The following AGO3 variants were observed in gnomAD, a reference collection of about 807,000 sequenced individuals.
AGO3 encodes protein argonaute-3.
Under a neutral mutation model 105.5 loss-of-function variants are expected in AGO3, and 16 were observed. The ratio of observed to expected loss-of-function variants is 0.15; its 90% confidence interval spans 0.10 to 0.23. The LOEUF is 0.23. Among genes scored for constraint, AGO3 ranks in the 10% least tolerant of loss-of-function variants. The probability of loss-of-function intolerance (pLI) is 1.00; values close to 1 mark genes in which losing one functional copy is unlikely to be tolerated. For missense variants in AGO3, 534 were observed against 1,088.0 expected (o/e 0.49, Z 7.16); for synonymous variants, 340 against 367.3 (o/e 0.93, Z 0.85).
intron 1 of AGO3, among the ~76,000 whole-genome samples, chr1:35,943,528 C>T (rs990734418): frequency 1.3e-5 from 2 of 150,498 alleles, no homozygotes; most frequent in African/African-American, 4.9e-5. Context: ...CTTGAACTCC[C>T]AACCTCAGGT....
chr1:36,056,811 G>A lies in AGO3; in HGVS notation c.*1066G>A, dbSNP rs1262888668. On this transcript the variant is annotated 3_prime_UTR_variant, in exon 19 of 19. Coordinates refer to ENST00000373191, the MANE Select transcript of AGO3 (RefSeq NM_024852.4). ...GGCTGGAGTGCAGTGGCGAGATCTC[G>A]GCTCACTGCAACTTCCGCCTCTCGG... 1 of 151,092 alleles carries A rather than the reference G, an allele frequency of 6.6e-6. No individual in the cohort carries two copies. Among genetic ancestry groups the A allele is most frequent in the Non-Finnish European group, 1.5e-5 (1 of 67,892 alleles). 9.4% of individuals were successfully genotyped at this position (151,092 alleles called of 1,614,324 possible).
intron 5 of AGO3, among the ~76,000 whole-genome samples, chr1:35,995,390 T>C (rs1298461680): frequency 6.6e-6 from 1 of 151,804 alleles, no homozygotes; most frequent in Non-Finnish European, 1.5e-5. Context: ...ACTACTGAAA[T>C]CAAAACAGTG....
intron 12 of AGO3, among the ~76,000 whole-genome samples, chr1:36,028,401 C>CG (rs1259538605): frequency 8.8e-6 from 1 of 113,066 alleles, no homozygotes; most frequent in African/African-American, 3.4e-5. Flanking sequence ...TCCCCCCCCC[C>CG]CACCCCACAA....
At position 35,982,539 on chromosome 1, in the gene AGO3, G is replaced by A. The variant is rs190243071; in HGVS notation, c.658+9028G>A. 1,724 of 628,768 alleles carry A rather than the reference G, an allele frequency of 2.7e-3. 19 individuals carry two copies. In the African/African-American group the frequency reaches 0.028, roughly 10 times the overall value. 38.9% of individuals were successfully genotyped at this position (628,768 alleles called of 1,614,324 possible). On this transcript the variant is annotated intron_variant, in intron 5 of 18. Coordinates refer to ENST00000373191, the MANE Select transcript of AGO3 (RefSeq NM_024852.4). ...AGATAAAAACAAATCAATGAAATAG[G>A]AAAACTTCTCTCTATCCTTTAGATA...
At chr1:35,938,317 T>A (rs1646189598) in intron 1 of AGO3, among the ~76,000 whole-genome samples, 1 of 152,120 alleles carries the variant, frequency 6.6e-6, no homozygotes, top group Non-Finnish European at 1.5e-5. Flanking sequence ...TATAAAATAA[T>A]AACTACATGT....
At chr1:36,015,019 G>A (rs1345798880) in intron 11 of AGO3, among the ~76,000 whole-genome samples, 1 of 152,026 alleles carries the variant, frequency 6.6e-6, no homozygotes, top group Non-Finnish European at 1.5e-5. Flanking sequence ...CACCAGCTGG[G>A]TGTCCTCCAA....
Position 36,055,985 on chromosome 1 carries a change from G to C in AGO3, c.*240G>C. The stretch of plus-strand genomic sequence containing the variant: ...CTTTTTGTGCGGTCTCCTATAGGAA[G>C]TATCGCAATTGTTTTGTTTTCATTT... On this transcript the variant is annotated 3_prime_UTR_variant, in exon 19 of 19. Transcript: ENST00000373191. The surrounding 1 kb of genome is among the most constrained non-coding windows in gnomAD (Gnocchi z 4.4). 1 of 354,052 alleles carries C rather than the reference G, an allele frequency of 2.8e-6. No individual in the cohort carries two copies. Among genetic ancestry groups the C allele is most frequent in the Non-Finnish European group, 5.1e-6 (1 of 195,586 alleles). 21.9% of individuals were successfully genotyped at this position (354,052 alleles called of 1,614,324 possible). A position where few individuals can be genotyped will look rare whatever the true frequency, so the allele number is the denominator to read the frequency against.
chr1:35,964,540 G>C (rs1022587548), intron 2 of AGO3, among the ~76,000 whole-genome samples: 2 of 152,142 alleles, frequency 1.3e-5, no homozygotes, highest in African/African-American at 2.4e-5. Flanking sequence ...TGGGCATTTA[G>C]GTTGATTCCA....
At chr1:35,983,339 A>G (rs973756994) in intron 5 of AGO3, 6 of 151,554 alleles carry the variant, frequency 4.0e-5, no homozygotes, top group African/African-American at 1.2e-4. Context: ...TGGGAGGCCA[A>G]AGTGGGAGGA....
intron 2 of AGO3, among the ~76,000 whole-genome samples, chr1:35,955,930 C>T (rs1646557013): frequency 6.6e-6 from 1 of 152,082 alleles, no homozygotes; most frequent in Non-Finnish European, 1.5e-5. Context: ...CCATTACTCT[C>T]CTAGGATTCC....
rs1428761717 is a variant in AGO3 at position 36,064,263 on chromosome 1, C to G, written c.*8518C>G. On this transcript the variant is annotated 3_prime_UTR_variant, in exon 19 of 19. Coordinates refer to ENST00000373191, the MANE Select transcript of AGO3 (RefSeq NM_024852.4). ...GGCATGGTGGCACATGCCTGTAATC[C>G]CAGCTACTCGGGAGGCTGAGGCAGG... 1 of 152,340 alleles carries G rather than the reference C, an allele frequency of 6.6e-6. No individual in the cohort carries two copies. Among genetic ancestry groups the G allele is most frequent in the Admixed American group, 6.6e-5 (1 of 15,266 alleles). 9.4% of individuals were successfully genotyped at this position (152,340 alleles called of 1,614,324 possible).
chr1:35,991,978 T>G (rs1288063703), intron 5 of AGO3: 1 of 152,126 alleles, frequency 6.6e-6, no homozygotes, highest in Non-Finnish European at 1.5e-5. Context: ...TGGATAGGGT[T>G]TGTTGACTCT....
intron 5 of AGO3, among the ~76,000 whole-genome samples, chr1:35,999,956 A>T (rs1462545206): frequency 1.3e-5 from 2 of 151,836 alleles, no homozygotes; most frequent in Non-Finnish European, 2.9e-5. Flanking sequence ...AATACCATAG[A>T]GTTTTGGTAA....
Position 36,068,226 on chromosome 1 carries a change from AACTC to A in AGO3, c.*12483_*12486del, listed in dbSNP as rs1569982474. On this transcript the variant is annotated 3_prime_UTR_variant, in exon 19 of 19. Coordinates refer to ENST00000373191, the MANE Select transcript of AGO3 (RefSeq NM_024852.4). ...TTTAACATATATGAAGAGAAATTCT[AACTC>A]AGTTAAGTGAGAATTAAGATTGAAA... The A allele has an allele frequency of 2.0e-5, 3 of 152,260 alleles. No homozygotes were observed. Among genetic ancestry groups the A allele is most frequent in the Non-Finnish European group, 1.5e-5 (1 of 68,048 alleles). 9.4% of individuals were successfully genotyped at this position (152,260 alleles called of 1,614,324 possible).
At chr1:36,040,944 A>G (rs1378117474) in intron 16 of AGO3, among the ~76,000 whole-genome samples, 1 of 151,526 alleles carries the variant, frequency 6.6e-6, no homozygotes, top group Admixed American at 6.6e-5. Context: ...GTGGTGGCGC[A>G]CATCTGTAAT....
intron 2 of AGO3, among the ~76,000 whole-genome samples, chr1:35,963,707 T>C (rs1646719379): frequency 6.6e-6 from 1 of 151,936 alleles, no homozygotes; most frequent in Non-Finnish European, 1.5e-5. Flanking sequence ...AAGAAAAACT[T>C]AAAATAATCC....
At chr1:36,046,388 C>T (rs184269765) in intron 17 of AGO3, among the ~76,000 whole-genome samples, 351 of 152,154 alleles carry the variant, frequency 2.3e-3, no homozygotes, top group Admixed American at 4.3e-3. Flanking sequence ...TGTGCCTTGG[C>T]CATTTAAAGA....
chr1:35,984,705 GC>G (rs1647129885), intron 5 of AGO3, among the ~76,000 whole-genome samples: 2 of 152,140 alleles, frequency 1.3e-5, no homozygotes, highest in African/African-American at 4.8e-5. Flanking sequence ...TACCCTCTAT[GC>G]CCAGCACAAC....
intron 1 of AGO3, among the ~76,000 whole-genome samples, chr1:35,933,640 CAAAAAA>C (rs34254758): frequency 6.4e-5 from 2 of 31,428 alleles, no homozygotes; most frequent in African/African-American, 1.9e-4. Context: ...GACCCTGTCT[CAAAAAA>C]AAAAAAAAAA....
Sources: gnomAD v4.1 joint callset for allele counts (sites outside exome capture counted in the v4.1 genomes callset) on GRCh38, gnomAD v4.1.1 for gene constraint, Gnocchi (gnomAD v3.1) non-coding constraint, MANE v1.5 for transcripts, NCBI Gene and HGNC (gene_info 2026-07-23, HGNC 2026-07-21) for gene names.